The following COL16A1 variants were observed in gnomAD, a reference collection of about 807,000 sequenced individuals.
The protein encoded by COL16A1 is collagen type XVI alpha 1 chain.
COL16A1 carries 189 observed loss-of-function variants against 266.3 expected under a neutral mutation model. The ratio of observed to expected loss-of-function variants is 0.71; its 90% CI spans 0.63 to 0.80. The LOEUF (loss-of-function observed/expected upper bound fraction) is 0.80, where lower values mean the gene tolerates loss of function less well. COL16A1 is among the 30% of genes least tolerant of loss of function. The pLI, the probability that COL16A1 is intolerant of heterozygous loss-of-function variation, is 0.00. For synonymous variants in COL16A1, 740 were observed against 782.3 expected (o/e 0.95, Z 0.90); for missense variants, 1,928 against 2,122.4 (o/e 0.91, Z 1.80).
chr1:31,688,386 C>T lies in COL16A1; in HGVS notation c.1803+81G>A, dbSNP rs1269029416. The T allele has an allele frequency of 2.0e-6, 3 of 1,481,550 alleles. No homozygotes were observed. The highest frequency in any genetic ancestry group is 3.3e-5 in the Admixed American group (2 of 59,724). The allele number at this position is 1,481,550 out of a possible 1,614,324, so 91.8% of individuals were successfully genotyped here. ...GTCTGAATCTCTTGTTTATATTACC[C>T]TTATTCCCCGCCCGCACCACTCCTC... On this transcript the variant is annotated intron_variant, in intron 26 of 70. Transcript: ENST00000373672. This position sits in a 1 kb window ranked among gnomAD's most constrained non-coding sequence, Gnocchi z 4.9.
In COL16A1 at chr1:31,670,155, C is replaced by G. The variant is rs893130382; in HGVS notation, c.3195+447G>C. The G allele has an allele frequency of 6.2e-6, 1 of 162,398 alleles. No individual in the cohort carries two copies. Among genetic ancestry groups the G allele is most frequent in the Non-Finnish European group, 1.3e-5 (1 of 75,128 alleles). The allele number at this position is 162,398 out of a possible 1,614,324, so 10.1% of individuals were successfully genotyped here. A position where few individuals can be genotyped will look rare whatever the true frequency, so the allele number is the denominator to read the frequency against. Reference sequence around the variant, plus strand: ...CTCTGCTGGGCTCTGAGCCAGGTGCCTGGCAGGGCCCCAAGAACTACTTTC... The same window carrying G: ...CTCTGCTGGGCTCTGAGCCAGGTGCGTGGCAGGGCCCCAAGAACTACTTTC... On this transcript the variant is annotated intron_variant, in intron 49 of 70. Coordinates refer to ENST00000373672, the MANE Select transcript of COL16A1 (RefSeq NM_001856.4). This position sits in a 1 kb window ranked among gnomAD's most constrained non-coding sequence, Gnocchi z 4.5.
At chr1:31,655,910 G>A (rs1641098215) in intron 66 of COL16A1, 1 of 286,970 alleles carries the variant, frequency 3.5e-6, no homozygotes, top group South Asian at 3.9e-5. Flanking sequence ...TCTCTATCCA[G>A]TGCACCCCTC....
rs572603544 is a variant in COL16A1, at chr1:31,668,828, C to T, written c.3223G>A (p.Gly1075Ser). The T allele has an allele frequency of 6.2e-7, 1 of 1,613,860 alleles. No individual in the cohort carries two copies. The highest frequency in any genetic ancestry group is 1.1e-5 in the South Asian group (1 of 91,070). Residue 1075 changes from glycine to serine, a missense_variant, in exon 50 of 71, where the codon GGC becomes AGC. Around this residue, in one of 2 missense-constraint regions of COL16A1, gnomAD observed 1,552 missense variants for 1,637.2 expected, o/e 0.95. Transcript: ENST00000373672. The surrounding 1 kb of genome is among the most constrained non-coding windows in gnomAD (Gnocchi z 5.8). Reference protein sequence around the residue: ...PGLQGERGLTGLTGDKGEPGP... With the variant: ...PGLQGERGLTSLTGDKGEPGP... ...GGCTCCCCCTTGTCTCCAGTCAGGCCCGTGAGACCTCGCTCTCCTTGAAGG... is the reference window on the plus strand; with the variant it reads ...GGCTCCCCCTTGTCTCCAGTCAGGCTCGTGAGACCTCGCTCTCCTTGAAGG...
In COL16A1 at chr1:31,695,635, G is replaced by T. The variant is rs1644462992; in HGVS notation, c.945+126C>A. The T allele has an allele frequency of 1.8e-5, 16 of 913,950 alleles. No individual in the cohort carries two copies. In the South Asian group the frequency reaches 1.8e-4, roughly 10 times the overall value. 56.6% of individuals were successfully genotyped at this position (913,950 alleles called of 1,614,324 possible). On this transcript the variant is annotated intron_variant, in intron 10 of 70. Transcript: ENST00000373672. ...GTGGACAGACAGGGCCCAGCATCAG[G>T]CCCTCAAGGAATGCCAGGAGCTGTG...
rs943640242 is a variant in COL16A1, at chr1:31,665,482, C to T, written c.3492+101G>A. ...GGCCGTTCTCCCCTGCCTCTCCCCT[C>T]TTCTCCCCAGGACCATCCTACCCCA... is the stretch of plus-strand genomic sequence containing the variant. On this transcript the variant is annotated intron_variant, in intron 55 of 70. Coordinates refer to ENST00000373672, the MANE Select transcript of COL16A1 (RefSeq NM_001856.4). 6 of 1,603,480 alleles carry T rather than the reference C, an allele frequency of 3.7e-6. No individual in the cohort carries two copies. In the African/African-American group the frequency reaches 5.3e-5, roughly 14 times the overall value.
rs1186662036 is a variant in COL16A1, at chr1:31,689,095, A to G, written c.1621-10T>C. 1 of 1,613,624 alleles carries G rather than the reference A, an allele frequency of 6.2e-7. No individual in the cohort carries two copies. ...GGATGCCAGGGTCTCCCTGCAGGGTAAAAAGGTTTGTGGGCTGAGGCAGGG... is the reference window on the plus strand; with the variant it reads ...GGATGCCAGGGTCTCCCTGCAGGGTGAAAAGGTTTGTGGGCTGAGGCAGGG... On this transcript the variant is annotated splice_polypyrimidine_tract_variant and intron_variant, in intron 23 of 70. Transcript: ENST00000373672.
chr1:31,686,671 T>C (rs1241795380), intron 26 of COL16A1, among the ~76,000 whole-genome samples: 1 of 152,224 alleles, frequency 6.6e-6, no homozygotes, highest in East Asian at 1.9e-4. Flanking sequence ...TTCTAAATCA[T>C]CATTTTAAAC....
chr1:31,655,585 G>A (rs1032571730), intron 66 of COL16A1, 83 bp from the exon 67 acceptor site: 4 of 1,571,560 alleles, frequency 2.5e-6, no homozygotes, highest in South Asian at 1.2e-5. Flanking sequence ...CCTCCCACCA[G>A]GCCCCCAGCG....
Position 31,685,960 on chromosome 1 carries a change from A to G in COL16A1, c.1884+131T>C, listed in dbSNP as rs2148782418. 6.7e-7 allele frequency: 1 copy of G among 1,486,796 alleles called. No homozygotes were observed. The highest frequency in any genetic ancestry group is 9.1e-7 in the Non-Finnish European group (1 of 1,095,000). 92.1% of individuals were successfully genotyped at this position (1,486,796 alleles called of 1,614,324 possible). On this transcript the variant is annotated intron_variant, in intron 28 of 70. Coordinates refer to ENST00000373672, the MANE Select transcript of COL16A1 (RefSeq NM_001856.4). This position sits in a 1 kb window ranked among gnomAD's most constrained non-coding sequence, Gnocchi z 4.0. ...TGGAGCTGAGTCATCAGGGGTCTCC[A>G]TGCCTTGCTAAGGAGTCAGACTCTG...
At chr1:31,702,287 G>T (rs1243548929) in intron 1 of COL16A1, 60 bp from the exon 2 acceptor site, 2 of 1,564,610 alleles carry the variant, frequency 1.3e-6, no homozygotes, top group Non-Finnish European at 1.7e-6. Flanking sequence ...AACTCCACAC[G>T]TGGGCAAGTC....
rs1219392620 is a variant in COL16A1, at chr1:31,670,644, G to C, written c.3153C>G (p.Gly1051=). Residue 1051 remains glycine, a splice_region_variant and synonymous_variant, in exon 49 of 71, where the codon GGC becomes GGG. Coordinates refer to ENST00000373672, the MANE Select transcript of COL16A1 (RefSeq NM_001856.4). This position sits in a 1 kb window ranked among gnomAD's most constrained non-coding sequence, Gnocchi z 4.5. ...CAACAGCACCAGGAAAACCTGGGGG[G>C]CCCTGGTGGGAGAAACAGGCAGGTC... The part of the protein sequence containing the change: ...RGSPGPPGPI[G]PPGFPGAVGS... 6.3e-6 allele frequency: 9 copies of C among 1,431,870 alleles called. No homozygotes were observed. The highest frequency in any genetic ancestry group is 6.4e-6 in the Non-Finnish European group (7 of 1,097,738). The allele number at this position is 1,431,870 out of a possible 1,614,324, so 88.7% of individuals were successfully genotyped here. A position where few individuals can be genotyped will look rare whatever the true frequency, so the allele number is the denominator to read the frequency against.
intron 8 of COL16A1, among the ~76,000 whole-genome samples, chr1:31,696,427 G>A (rs1339928273): frequency 1.3e-5 from 2 of 151,974 alleles, no homozygotes; most frequent in African/African-American, 4.8e-5. Context: ...GAGCGGGCAG[G>A]GAGAGTGCCC....
Position 31,695,223 on chromosome 1 carries a change from T to C in COL16A1, c.946-2A>G. On this transcript the variant is annotated splice_acceptor_variant, in intron 10 of 70. Coordinates refer to ENST00000373672, the MANE Select transcript of COL16A1 (RefSeq NM_001856.4). LOFTEE classifies it high-confidence loss of function. ...GGCACCATGGACACAGGGCGGACACTGAAAGGGAAGAGCAGGCGAAGAGGT... is the reference window on the plus strand; with the variant it reads ...GGCACCATGGACACAGGGCGGACACCGAAAGGGAAGAGCAGGCGAAGAGGT... 1 of 1,613,654 alleles carries C rather than the reference T, an allele frequency of 6.2e-7. No individual in the cohort carries two copies.
chr1:31,672,743 C>A lies in COL16A1; in HGVS notation c.2957G>T (p.Gly986Val). 1.2e-6 allele frequency: 2 copies of A among 1,614,118 alleles called. No individual in the cohort carries two copies. Among genetic ancestry groups the A allele is most frequent in the African/African-American group, 2.7e-5 (2 of 75,064 alleles). The change falls in exon 45 of 71, where the codon GGC becomes GTC. Residue 986 changes from glycine (G) to valine (V), a missense_variant. Around this residue, in one of 2 missense-constraint regions of COL16A1, gnomAD observed 1,552 missense variants for 1,637.2 expected, o/e 0.95. Coordinates refer to ENST00000373672, the MANE Select transcript of COL16A1 (RefSeq NM_001856.4). ...CCTTACCTGGGCGCAGTTGTCGAGG[C>A]CTGGCACACCAGGGATGCCCTGGTC... The part of the protein sequence containing the change: ...KGDQGIPGVP[G>V]LDNCAQCFLS...
Position 31,679,838 on chromosome 1 carries a change from A to G in COL16A1, c.2684T>C (p.Leu895Pro). 2.0e-6 allele frequency: 3 copies of G among 1,532,718 alleles called. No homozygotes were observed. The highest frequency in any genetic ancestry group is 2.5e-5 in the South Asian group (2 of 78,642). 94.9% of individuals were successfully genotyped at this position (1,532,718 alleles called of 1,614,324 possible). The change falls in exon 41 of 71, where the codon CTT (leucine) becomes CCT (proline). Residue 895 changes from leucine to proline, a missense_variant. Physicochemically the swap from Leu to Pro is moderately conservative, Grantham distance 98. Transcript: ENST00000373672. ...IFSGMPGAPG[L>P]WMGSSWQPGP... Reference sequence around the variant, plus strand: ...CGGCTGCCAGGAGCTGCCCATCCAAAGTCCCGGAGCACCCTGGGTGGGAGT... The same window carrying G: ...CGGCTGCCAGGAGCTGCCCATCCAAGGTCCCGGAGCACCCTGGGTGGGAGT...
At chr1:31,678,447 C>T (rs2148740736) in intron 42 of COL16A1, among the ~76,000 whole-genome samples, 1 of 152,280 alleles carries the variant, frequency 6.6e-6, no homozygotes, top group East Asian at 1.9e-4. Flanking sequence ...CATGGGGAAG[C>T]CCCAGTCTAG....
intron 37 of COL16A1, among the ~76,000 whole-genome samples, chr1:31,682,032 A>G (rs894695637): frequency 5.3e-5 from 8 of 152,190 alleles, no homozygotes; most frequent in African/African-American, 1.4e-4. Flanking sequence ...TATTTTTAAC[A>G]TTACCAAAAG....
intron 39 of COL16A1, among the ~76,000 whole-genome samples, chr1:31,680,407 T>C (rs1289962035): frequency 1.3e-5 from 2 of 152,154 alleles, no homozygotes; most frequent in South Asian, 2.1e-4. Context: ...CAGTCGTCAG[T>C]TATAACCTTC....
chr1:31,695,443 T>C (rs1014268342), intron 10 of COL16A1, among the ~76,000 whole-genome samples: 2 of 114,058 alleles, frequency 1.8e-5, no homozygotes, highest in African/African-American at 6.9e-5. Flanking sequence ...CAGAGAGGAA[T>C]AGCAATATGC....
Sources: gnomAD v4.1 joint callset for allele counts (sites outside exome capture counted in the v4.1 genomes callset) on GRCh38, gnomAD v4.1.1 for gene constraint, gnomAD v4.1.1 regional missense constraint, Gnocchi (gnomAD v3.1) non-coding constraint, MANE v1.5 for transcripts, NCBI Gene and HGNC (gene_info 2026-07-23, HGNC 2026-07-21) for gene names.